ANKIB1: variants seen among roughly 807,000 people sequenced by gnomAD.
ANKIB1 encodes ankyrin repeat and IBR domain containing 1.
ANKIB1 carries 43 observed loss-of-function variants against 122.1 expected under a neutral mutation model. That is an observed-to-expected ratio of 0.35 (90% CI 0.28 to 0.45). The LOEUF is 0.45. Ranked by LOEUF, ANKIB1 falls within the 20% of genes least tolerant of loss-of-function variation. The pLI is 1.00. For missense variants in ANKIB1, 992 were observed against 1,329.5 expected (o/e 0.75, Z 3.95); for synonymous variants, 390 against 442.0 (o/e 0.88, Z 1.48).
At chr7:92,325,766 A>G (rs552400148) in intron 4 of ANKIB1, among the ~76,000 whole-genome samples, 18 of 152,310 alleles carry the variant, frequency 1.2e-4, no homozygotes, top group Non-Finnish European at 2.5e-4. Context: ...ATTTTTGAAG[A>G]GAACTATTTT....
At chr7:92,289,229 G>A (rs746306298) in intron 1 of ANKIB1, among the ~76,000 whole-genome samples, 27 of 152,176 alleles carry the variant, frequency 1.8e-4, no homozygotes, top group Admixed American at 1.1e-3. Flanking sequence ...ATAAATCTTA[G>A]TGCATTTTGC....
intron 18 of ANKIB1, 118 bp from the exon 19 acceptor site, chr7:92,397,605 A>G: frequency 9.2e-7 from 1 of 1,081,490 alleles, no homozygotes; most frequent in Non-Finnish European, 1.4e-6. Flanking sequence ...ACATGTCAAC[A>G]CAGGTTTTCC....
chr7:92,380,477 C>T (rs1385283020), intron 11 of ANKIB1, among the ~76,000 whole-genome samples: 1 of 152,186 alleles, frequency 6.6e-6, no homozygotes, highest in African/African-American at 2.4e-5. Context: ...AGACACCTCC[C>T]ATTAGGGGCC....
At chr7:92,372,649 TC>T (rs150418133) in intron 11 of ANKIB1, among the ~76,000 whole-genome samples, 6,606 of 152,174 alleles carry the variant, frequency 0.043, 421 homozygotes, top group African/African-American at 0.15. Context: ...ATGTTAGAGG[TC>T]AAAAAGGCTA....
At chr7:92,398,164 GT>G (rs751297967) in intron 19 of ANKIB1, 47 bp from the exon 20 acceptor site, 2 of 1,521,566 alleles carry the variant, frequency 1.3e-6, no homozygotes, top group East Asian at 4.5e-5. Context: ...AGTTAAATCA[GT>G]TTTTTTCAGT....
At chr7:92,372,947 A>G (rs1804306881) in intron 11 of ANKIB1, among the ~76,000 whole-genome samples, 1 of 152,128 alleles carries the variant, frequency 6.6e-6, no homozygotes, top group Non-Finnish European at 1.5e-5. Context: ...CCAGTAAAAT[A>G]TAATAATATC....
At chr7:92,255,699 T>C (rs1801421497) in intron 1 of ANKIB1, among the ~76,000 whole-genome samples, 1 of 152,248 alleles carries the variant, frequency 6.6e-6, no homozygotes, top group Non-Finnish European at 1.5e-5. Flanking sequence ...CTGATTTTGC[T>C]TTCTGTGCCA....
intron 16 of ANKIB1, 73 bp downstream of exon 16, chr7:92,391,417 A>AC (rs1305004510): frequency 7.7e-7 from 1 of 1,295,784 alleles, no homozygotes; most frequent in African/African-American, 1.5e-5. Context: ...TTTTTATCCA[A>AC]CTAGGGTTCA....
At chr7:92,376,574 G>A (rs1032992561) in intron 11 of ANKIB1, among the ~76,000 whole-genome samples, 7 of 151,302 alleles carry the variant, frequency 4.6e-5, no homozygotes, top group Non-Finnish European at 7.4e-5. Flanking sequence ...TTGGTCCCCC[G>A]AGTAGCTAGG....
rs576603886 is a variant in ANKIB1 at position 92,349,660 on chromosome 7, A to G, written c.1086-1290A>G. On this transcript the variant is annotated intron_variant, in intron 7 of 19. Coordinates refer to ENST00000265742, the MANE Select transcript of ANKIB1 (RefSeq NM_019004.2). ...TGCTTTTCTAAGGGCAGTACTAAAT[A>G]ATAATAACAATAATAATCCTTGCTA... 1.3e-3 allele frequency among the ~76,000 whole-genome samples: 194 copies of G among 152,304 alleles called. 1 individual carries two copies. The highest frequency in any genetic ancestry group is 4.5e-3 in the African/African-American group (188 of 41,556).
At chr7:92,357,848 G>C (rs751501232) in intron 9 of ANKIB1, among the ~76,000 whole-genome samples, 4 of 151,836 alleles carry the variant, frequency 2.6e-5, no homozygotes, top group African/African-American at 4.8e-5. Context: ...CATCTAGATT[G>C]TCAATTAGTA....
intron 5 of ANKIB1, 112 bp from the exon 6 acceptor site, chr7:92,342,912 T>G: frequency 2.3e-6 from 2 of 874,544 alleles, no homozygotes; most frequent in South Asian, 3.1e-5. Flanking sequence ...TTTATATACT[T>G]TTTTCTTTAG....
chr7:92,324,202 GTTTAT>G (rs953616520), intron 4 of ANKIB1, among the ~76,000 whole-genome samples: 1 of 152,264 alleles, frequency 6.6e-6, no homozygotes, highest in East Asian at 1.9e-4. Flanking sequence ...CCTTAAAGTG[GTTTAT>G]TTTATGTTAT....
intron 1 of ANKIB1, among the ~76,000 whole-genome samples, chr7:92,275,149 C>T (rs1305212724): frequency 6.6e-6 from 1 of 152,096 alleles, no homozygotes; most frequent in Non-Finnish European, 1.5e-5. Context: ...AAAATTCCAG[C>T]TTTTTTGAAA....
intron 2 of ANKIB1, among the ~76,000 whole-genome samples, chr7:92,304,278 CTG>C (rs1802511004): frequency 1.3e-5 from 2 of 152,120 alleles, no homozygotes; most frequent in South Asian, 4.1e-4. Context: ...AGATATGCTA[CTG>C]TGTCTAATAA....
chr7:92,293,694 G>GT (rs1163032370), intron 1 of ANKIB1, among the ~76,000 whole-genome samples: 4 of 152,146 alleles, frequency 2.6e-5, no homozygotes, highest in Non-Finnish European at 4.4e-5. Flanking sequence ...AGGTTAAAGT[G>GT]TAAGTTCCTT....
intron 3 of ANKIB1, among the ~76,000 whole-genome samples, chr7:92,316,188 C>T (rs1378581076): frequency 6.6e-6 from 1 of 151,862 alleles, no homozygotes; most frequent in Non-Finnish European, 1.5e-5. Flanking sequence ...CCTATTAAGC[C>T]CTCCTTAGCT....
intron 6 of ANKIB1, among the ~76,000 whole-genome samples, chr7:92,343,463 C>T (rs1242333731): frequency 5.9e-5 from 9 of 151,978 alleles, no homozygotes; most frequent in Non-Finnish European, 1.0e-4. Flanking sequence ...TCCTCATTTC[C>T]AAACAGAGAA....
intron 5 of ANKIB1, among the ~76,000 whole-genome samples, chr7:92,342,316 A>T (rs562809071): frequency 6.6e-6 from 1 of 152,358 alleles, no homozygotes; most frequent in East Asian, 1.9e-4. Context: ...AAATGAAATT[A>T]TGTAAAACAC....
Sources: gnomAD v4.1 joint callset for allele counts (sites outside exome capture counted in the v4.1 genomes callset) on GRCh38, gnomAD v4.1.1 for gene constraint, MANE v1.5 for transcripts, NCBI Gene and HGNC (gene_info 2026-07-23, HGNC 2026-07-21) for gene names.